The following RPS6KA6 variants were observed in gnomAD, a reference collection of about 807,000 sequenced individuals.
The protein encoded by RPS6KA6 is ribosomal protein S6 kinase alpha-6.
A neutral mutation model predicts 65.4 loss-of-function variants in RPS6KA6; 27 were observed. The ratio of observed to expected loss-of-function variants is 0.41; its 90% confidence interval spans 0.30 to 0.57. RPS6KA6 has a LOEUF of 0.57. Ranked by LOEUF, RPS6KA6 falls within the 20% of genes least tolerant of loss-of-function variation. RPS6KA6 has a pLI of 0.24. For missense variants in RPS6KA6, 486 were observed against 555.6 expected (o/e 0.87, Z 1.26); for synonymous variants, 190 against 184.2 (o/e 1.03, Z -0.26).
intron 1 of RPS6KA6, among the ~76,000 whole-genome samples, chrX:84,184,090 A>C: frequency 8.9e-6 from 1 of 112,492 alleles, no homozygotes; most frequent in Non-Finnish European, 1.9e-5. Context: ...AGCCAGATAT[A>C]ATAAATGAAA....
intron 20 of RPS6KA6, among the ~76,000 whole-genome samples, chrX:84,075,860 G>C (rs1276835815): frequency 8.9e-6 from 1 of 111,945 alleles, no homozygotes; most frequent in African/African-American, 3.2e-5. Context: ...AAGTAATCAA[G>C]AGAAGAAAAT....
intron 2 of RPS6KA6, among the ~76,000 whole-genome samples, chrX:84,156,553 T>C (rs977321878): frequency 9.9e-5 from 11 of 111,288 alleles, no homozygotes; most frequent in Non-Finnish European, 2.1e-4. Context: ...CCTTGTAAAT[T>C]GTGGGGCATG....
chrX:84,086,170 C>A (rs182250956), intron 20 of RPS6KA6, among the ~76,000 whole-genome samples: 2 of 111,273 alleles, frequency 1.8e-5, no homozygotes, highest in Non-Finnish European at 3.8e-5. Context: ...CAGTTCAGCT[C>A]TGATTTTGGT....
intron 20 of RPS6KA6, among the ~76,000 whole-genome samples, chrX:84,079,419 G>GTT (rs1303902698): frequency 4.8e-5 from 5 of 103,858 alleles, no homozygotes; most frequent in Non-Finnish European, 7.9e-5. Context: ...GCTAGCTGCA[G>GTT]TTTTTTTTTT....
intron 8 of RPS6KA6, among the ~76,000 whole-genome samples, chrX:84,133,455 T>G (rs2034938856): frequency 9.0e-6 from 1 of 111,655 alleles, no homozygotes; most frequent in Non-Finnish European, 1.9e-5. Context: ...GTCCCTTGCT[T>G]ATAAATTAAT....
intron 1 of RPS6KA6, among the ~76,000 whole-genome samples, chrX:84,183,539 A>T (rs1366737677): frequency 2.7e-5 from 3 of 111,374 alleles, no homozygotes; most frequent in Non-Finnish European, 5.7e-5. Flanking sequence ...GAACCCTTAA[A>T]CTGGCTTAAA....
intron 18 of RPS6KA6, 23 bp from the exon 19 acceptor site, chrX:84,097,871 A>G: frequency 9.4e-7 from 1 of 1,062,403 alleles, no homozygotes; most frequent in Non-Finnish European, 1.3e-6. Context: ...TACTCATTAT[A>G]TGGTGTTACT....
chrX:84,157,205 T>C (rs1388232909), intron 2 of RPS6KA6, among the ~76,000 whole-genome samples: 1 of 111,204 alleles, frequency 9.0e-6, no homozygotes, highest in Non-Finnish European at 1.9e-5. Flanking sequence ...GGAATATAGG[T>C]AGTCAGGCAT....
chrX:84,064,609 A>C, intron 21 of RPS6KA6, among the ~76,000 whole-genome samples: 1 of 112,166 alleles, frequency 8.9e-6, no homozygotes, highest in East Asian at 2.8e-4. Context: ...AAAAATTGTT[A>C]AAACACTAAC....
At chrX:84,183,411 C>T (rs1048158451) in intron 1 of RPS6KA6, among the ~76,000 whole-genome samples, 3 of 111,311 alleles carry the variant, frequency 2.7e-5, no homozygotes, top group African/African-American at 6.6e-5. Context: ...CTGGAATTCC[C>T]CACCTTCCAT....
chrX:84,171,695 G>C (rs1359886269), intron 1 of RPS6KA6, among the ~76,000 whole-genome samples: 1 of 111,158 alleles, frequency 9.0e-6, no homozygotes, highest in Non-Finnish European at 1.9e-5. Context: ...TTAAGTTCTG[G>C]GATACATGTG....
intron 2 of RPS6KA6, among the ~76,000 whole-genome samples, chrX:84,162,655 C>CCACA (rs1345484939): frequency 3.6e-5 from 4 of 111,923 alleles, no homozygotes; most frequent in African/African-American, 1.3e-4. Context: ...AGTTTATGCA[C>CCACA]CACACACACT....
chrX:84,139,043 C>T (rs765996889), intron 6 of RPS6KA6, among the ~76,000 whole-genome samples: 6 of 111,864 alleles, frequency 5.4e-5, no homozygotes, highest in Non-Finnish European at 9.4e-5. Flanking sequence ...TATTAATAAG[C>T]TGTCTACAGA....
At chrX:84,117,316 A>C in intron 10 of RPS6KA6, 68 bp downstream of exon 10, 1 of 771,253 alleles carries the variant, frequency 1.3e-6, no homozygotes, top group Non-Finnish European at 1.8e-6. Context: ...TTAAAACCGC[A>C]ATAATTTTTT....
At chrX:84,150,800 T>G (rs900247868) in intron 3 of RPS6KA6, among the ~76,000 whole-genome samples, 4 of 100,331 alleles carry the variant, frequency 4.0e-5, no homozygotes, top group African/African-American at 1.5e-4. Flanking sequence ...AGAGAATATA[T>G]AGAGAGGATA....
chrX:84,116,267 T>C lies in RPS6KA6; in HGVS notation c.970A>G (p.Ile324Val). Residue 324 changes from isoleucine to valine, a missense_variant, in exon 12 of 22, where the codon ATC (isoleucine) becomes GTC (valine). Ile to Val is a conservative substitution (Grantham distance 29). Around this residue, in one of 3 missense-constraint regions of RPS6KA6, gnomAD observed 345 missense variants for 375.0 expected, o/e 0.92. Transcript: ENST00000262752. ...TTTGCAAAAAACAGATGTCTTTTGA[T>C]TTCTTCAACTCCTTCTGATCCTATA... ...NRLGSEGVEEIKRHLFFANID... is the reference protein window; with the variant it reads ...NRLGSEGVEEVKRHLFFANID... The C allele has an allele frequency of 8.8e-7, 1 of 1,130,425 alleles. No individual in the cohort carries two copies. The highest frequency in any genetic ancestry group is 1.2e-6 in the Non-Finnish European group (1 of 831,384). The allele number at this position is 1,130,425 out of a possible 1,213,427, so 93.2% of individuals were successfully genotyped here.
intron 20 of RPS6KA6, among the ~76,000 whole-genome samples, chrX:84,066,658 G>A (rs1003521820): frequency 9.0e-5 from 10 of 111,366 alleles, no homozygotes; most frequent in South Asian, 3.8e-4. Flanking sequence ...AGAGCACCTC[G>A]GGGAAGGGGC....
intron 20 of RPS6KA6, among the ~76,000 whole-genome samples, chrX:84,074,517 G>T (rs1322054093): frequency 2.7e-5 from 3 of 111,708 alleles, no homozygotes; most frequent in Non-Finnish European, 5.6e-5. Context: ...AGAGGATTTT[G>T]AATGTTTTCA....
At chrX:84,087,233 GGTT>G (rs769460551) in intron 20 of RPS6KA6, among the ~76,000 whole-genome samples, 1,153 of 111,179 alleles carry the variant, frequency 0.01, 4 homozygotes, top group Non-Finnish European at 0.017. Context: ...TTGTTTATGT[GGTT>G]GTTTCATAAT....
Sources: gnomAD v4.1 joint callset for allele counts (sites outside exome capture counted in the v4.1 genomes callset) on GRCh38, gnomAD v4.1.1 for gene constraint, gnomAD v4.1.1 regional missense constraint, MANE v1.5 for transcripts, NCBI Gene and HGNC (gene_info 2026-07-23, HGNC 2026-07-21) for gene names.